Variants in STOX2 observed in about 807,000 individuals in gnomAD.
STOX2 encodes storkhead-box protein 2.
Under a neutral mutation model 60.9 loss-of-function variants are expected in STOX2, and 28 were observed. The observed-to-expected ratio is 0.46, with a 90% CI of 0.34 to 0.63. The LOEUF (loss-of-function observed/expected upper bound fraction) is 0.63, where lower values mean the gene tolerates loss of function less well. Among genes scored for constraint, STOX2 ranks in the 30% least tolerant of loss-of-function variants. The probability of loss-of-function intolerance (pLI) is 0.01; values close to 1 mark genes in which losing one functional copy is unlikely to be tolerated. For missense variants in STOX2, 1,024 were observed against 1,187.7 expected, an observed-to-expected ratio of 0.86 and a Z score of 2.03; for synonymous variants, 472 against 463.9, an observed-to-expected ratio of 1.02 and a Z score of -0.22.
chr4:183,992,004 GA>G (rs1733128865), intron 1 of STOX2, among the ~76,000 whole-genome samples: 2 of 152,208 alleles, frequency 1.3e-5, no homozygotes, highest in Non-Finnish European at 2.9e-5. Flanking sequence ...CTGAATTGAA[GA>G]GAGAAAAGTT....
chr4:183,991,624 T>A (rs1312664581), intron 1 of STOX2, among the ~76,000 whole-genome samples: 1 of 152,086 alleles, frequency 6.6e-6, no homozygotes, highest in Non-Finnish European at 1.5e-5. Context: ...TGATGGGGTT[T>A]CTCCATGTTG....
At chr4:183,999,270 A>G (rs1351562417) in intron 1 of STOX2, among the ~76,000 whole-genome samples, 2 of 152,096 alleles carry the variant, frequency 1.3e-5, no homozygotes, top group Non-Finnish European at 2.9e-5. Flanking sequence ...AATGAATGAA[A>G]CTCACATCCC....
chr4:183,970,578 C>A (rs1449660105), intron 1 of STOX2, among the ~76,000 whole-genome samples: 1 of 152,168 alleles, frequency 6.6e-6, no homozygotes, highest in African/African-American at 2.4e-5. Context: ...GGAGGAAGGG[C>A]AGCCACCACA....
Position 184,011,556 on chromosome 4 carries a change from G to T in STOX2, c.2585+133G>T. ...GGTTAAGAGTTGTATGAGTTGTATT[G>T]TTAACAATCTGTTTCTGACTTCTTT... On this transcript the variant is annotated intron_variant, in intron 3 of 3. Coordinates refer to ENST00000308497, the MANE Select transcript of STOX2 (RefSeq NM_020225.3). The surrounding 1 kb of genome is among the most constrained non-coding windows in gnomAD (Gnocchi z 4.4). 1 of 1,556,144 alleles carries T rather than the reference G, an allele frequency of 6.4e-7. No individual in the cohort carries two copies. Among genetic ancestry groups the T allele is most frequent in the Non-Finnish European group, 8.7e-7 (1 of 1,153,488 alleles).
At chr4:183,802,054 T>C (rs1738775735) in intron 1 of STOX2, among the ~76,000 whole-genome samples, 2 of 152,186 alleles carry the variant, frequency 1.3e-5, no homozygotes, top group African/African-American at 4.8e-5. Context: ...TGGAGGGCCT[T>C]CTAGCCTCGG....
At chr4:183,855,477 C>T (rs560580489) in intron 1 of STOX2, among the ~76,000 whole-genome samples, 140 of 152,220 alleles carry the variant, frequency 9.2e-4, no homozygotes, top group African/African-American at 3.3e-3. Flanking sequence ...ATATCATTTC[C>T]ACATGTTCAC....
At chr4:183,852,265 G>C (rs1579335208) in intron 1 of STOX2, among the ~76,000 whole-genome samples, 24 of 127,918 alleles carry the variant, frequency 1.9e-4, no homozygotes, top group Admixed American at 2.3e-4. Context: ...ATGAGGGAAA[G>C]GATGAGAGAA....
chr4:183,887,203 G>A (rs868228121), intron 1 of STOX2, among the ~76,000 whole-genome samples: 12 of 152,096 alleles, frequency 7.9e-5, no homozygotes, highest in African/African-American at 2.9e-4. Context: ...GATGGAGGTT[G>A]CAGTGAGCCA....
intron 1 of STOX2, among the ~76,000 whole-genome samples, chr4:183,983,844 G>A (rs573655556): frequency 3.6e-4 from 55 of 152,262 alleles, no homozygotes; most frequent in Non-Finnish European, 3.4e-4. Flanking sequence ...AAGTGCAGTG[G>A]TGCAATCATA....
chr4:183,953,626 C>T (rs893070520), intron 1 of STOX2, among the ~76,000 whole-genome samples: 5 of 146,638 alleles, frequency 3.4e-5, no homozygotes, highest in African/African-American at 1.3e-4. Flanking sequence ...AGTGCAGTGG[C>T]AGGATCTGGG....
chr4:183,886,524 G>C (rs897133188), intron 1 of STOX2, among the ~76,000 whole-genome samples: 38 of 152,152 alleles, frequency 2.5e-4, no homozygotes, highest in African/African-American at 8.9e-4. Context: ...ACAAGAGAAA[G>C]GGGAAAAAAG....
chr4:183,929,142 T>C (rs1230464988), intron 1 of STOX2, among the ~76,000 whole-genome samples: 1 of 152,194 alleles, frequency 6.6e-6, no homozygotes, highest in Non-Finnish European at 1.5e-5. Flanking sequence ...TTACATGAGA[T>C]CTAGTCATGA....
chr4:184,001,246 A>G lies in STOX2; in HGVS notation c.167-79A>G. ...ACTGTGTTCGTCAGACCAGGGCCAG[A>G]TGGACGCGTGAAGGCGTGTGTCTGA... On this transcript the variant is annotated intron_variant, in intron 1 of 3. Coordinates refer to ENST00000308497, the MANE Select transcript of STOX2 (RefSeq NM_020225.3). This position sits in a 1 kb window ranked among gnomAD's most constrained non-coding sequence, Gnocchi z 4.2. 1.4e-6 allele frequency: 2 copies of G among 1,435,278 alleles called. No homozygotes were observed. The highest frequency in any genetic ancestry group is 1.9e-6 in the Non-Finnish European group (2 of 1,033,214). 88.9% of individuals were successfully genotyped at this position (1,435,278 alleles called of 1,614,324 possible).
chr4:183,909,583 A>AC (rs915615415), intron 1 of STOX2, among the ~76,000 whole-genome samples: 1 of 152,052 alleles, frequency 6.6e-6, no homozygotes, highest in African/African-American at 2.4e-5. Flanking sequence ...CTATTTTTAG[A>AC]CCCCCTCCCT....
chr4:183,951,031 C>T (rs555760084), intron 1 of STOX2, among the ~76,000 whole-genome samples: 146 of 151,696 alleles, frequency 9.6e-4, no homozygotes, highest in Middle Eastern at 3.4e-3. Context: ...CTGGCTAACA[C>T]GGTGAAACCC....
At chr4:183,959,776 A>G (rs1356110533) in intron 1 of STOX2, among the ~76,000 whole-genome samples, 2 of 152,232 alleles carry the variant, frequency 1.3e-5, no homozygotes, top group Non-Finnish European at 2.9e-5. Flanking sequence ...ATTTCAGAAC[A>G]GGAAGAACAT....
At chr4:183,832,367 T>C (rs1038850135) in intron 1 of STOX2, among the ~76,000 whole-genome samples, 1 of 152,164 alleles carries the variant, frequency 6.6e-6, no homozygotes, top group African/African-American at 2.4e-5. Context: ...CTCCTAGTTG[T>C]ATGCTTATCT....
rs1326946023 is a variant in STOX2, at chr4:184,009,386, C to T, written c.548C>T (p.Ser183Leu). Residue 183 changes from serine to leucine, a missense_variant, in exon 3 of 4, where the codon TCA (serine) becomes TTA (leucine). Coordinates refer to ENST00000308497, the MANE Select transcript of STOX2 (RefSeq NM_020225.3). This position sits in a 1 kb window ranked among gnomAD's most constrained non-coding sequence, Gnocchi z 4.0. ...CCCGGGACCATCACGCCCTCTGCCT[C>T]AGGCTGTGTCAGGGAAAGGACATTG... Reference protein sequence around the residue: ...PQPGTITPSASGCVRERTLPR... With the variant: ...PQPGTITPSALGCVRERTLPR... 1.9e-6 allele frequency: 3 copies of T among 1,613,906 alleles called. No homozygotes were observed. Among genetic ancestry groups the T allele is most frequent in the Non-Finnish European group, 2.5e-6 (3 of 1,179,890 alleles).
Position 184,010,804 on chromosome 4 carries a change from GA to G in STOX2, c.1967del (p.Glu656GlyfsTer58). The G allele has an allele frequency of 6.3e-7, 1 of 1,584,164 alleles. No homozygotes were observed. The highest frequency in any genetic ancestry group is 8.6e-7 in the Non-Finnish European group (1 of 1,165,912). ...CAGGGAGCCTGTGGGGCACAAGGAGGAGTCACCAAAAGGGCCGGGTGGGGGC... is the reference window on the plus strand; with the variant it reads ...CAGGGAGCCTGTGGGGCACAAGGAGGGTCACCAAAAGGGCCGGGTGGGGGC... ...SSREPVGHKE[E>X]SPKGPGGGPA... On this transcript the variant is annotated frameshift_variant, in exon 3 of 4. Coordinates refer to ENST00000308497, the MANE Select transcript of STOX2 (RefSeq NM_020225.3). LOFTEE classifies it high-confidence loss of function. This position sits in a 1 kb window ranked among gnomAD's most constrained non-coding sequence, Gnocchi z 4.5.
Sources: allele counts gnomAD v4.1 joint callset (sites outside exome capture counted in the v4.1 genomes callset), GRCh38; gene constraint gnomAD v4.1.1; non-coding constraint Gnocchi (gnomAD v3.1); transcripts MANE v1.5; gene names NCBI Gene and HGNC (gene_info 2026-07-23, HGNC 2026-07-21).